The following STRBP variants were observed in gnomAD, a reference collection of about 807,000 sequenced individuals.
The protein encoded by STRBP is spermatid perinuclear RNA binding protein.
STRBP carries 13 observed loss-of-function variants against 80.1 expected under a neutral mutation model. The ratio of observed to expected loss-of-function variants is 0.16; its 90% CI spans 0.11 to 0.26. STRBP has a LOEUF of 0.26. Among genes scored for constraint, STRBP ranks in the 10% least tolerant of loss-of-function variants. STRBP has a pLI of 1.00. For synonymous variants in STRBP, 284 were observed against 291.2 expected (o/e 0.98, Z 0.25); for missense variants, 485 against 815.2 (o/e 0.59, Z 4.93).
chr9:123,110,419 C>T lies in STRBP; in HGVS notation c.*85-666G>A, dbSNP rs541151411. The T allele has an allele frequency of 1.2e-5, 2 of 169,214 alleles. No individual in the cohort carries two copies. The highest frequency in any genetic ancestry group is 2.9e-5 in the Non-Finnish European group (2 of 68,180). The allele number at this position is 169,214 out of a possible 1,614,324, so 10.5% of individuals were successfully genotyped here. A position where few individuals can be genotyped will look rare whatever the true frequency, so the allele number is the denominator to read the frequency against. On this transcript the variant is annotated intron_variant and NMD_transcript_variant, in intron 3 of 3. Coordinates refer to the STRBP transcript ENST00000471564. This position sits in a 1 kb window ranked among gnomAD's most constrained non-coding sequence, Gnocchi z 4.1. ...CGATTGCCCTAATTTATGGTTACCTCAGGAAACCTTCTTTTGAAGAAGTGG... is the reference window on the plus strand; with the variant it reads ...CGATTGCCCTAATTTATGGTTACCTTAGGAAACCTTCTTTTGAAGAAGTGG...
intron 1 of STRBP, among the ~76,000 whole-genome samples, chr9:123,242,080 G>C (rs1007840221): frequency 2.6e-5 from 4 of 152,078 alleles, no homozygotes; most frequent in African/African-American, 9.7e-5. Context: ...TCTTCAAAAG[G>C]CTGGCTCTTT....
intron 2 of STRBP, among the ~76,000 whole-genome samples, chr9:123,214,901 G>A (rs892866619): frequency 1.3e-5 from 2 of 152,018 alleles, no homozygotes; most frequent in Non-Finnish European, 2.9e-5. Flanking sequence ...TTTAGTCTCT[G>A]GGCATATAGA....
In STRBP at chr9:123,136,021, G is replaced by A. The variant is rs779460493; in HGVS notation, c.1773+20C>T. On this transcript the variant is annotated intron_variant, in intron 16 of 18. Coordinates refer to ENST00000348403, the MANE Select transcript of STRBP (RefSeq NM_018387.5). This position sits in a 1 kb window ranked among gnomAD's most constrained non-coding sequence, Gnocchi z 4.2. ...TAACATTTTTCACAGGTTCTGCAAA[G>A]GTTTAATGTTTACTCATACCTGAGG... is the stretch of plus-strand genomic sequence containing the variant. 9 of 1,613,508 alleles carry A rather than the reference G, an allele frequency of 5.6e-6. No individual in the cohort carries two copies. The highest frequency in any genetic ancestry group is 1.1e-5 in the South Asian group (1 of 91,028).
chr9:123,214,572 T>G (rs1001230614), intron 2 of STRBP, among the ~76,000 whole-genome samples: 1 of 152,192 alleles, frequency 6.6e-6, no homozygotes, highest in East Asian at 1.9e-4. Context: ...GGACTCCTCA[T>G]GACTCATTAT....
chr9:123,114,265 G>C (rs1297804045), intron 3 of STRBP: 4 of 167,162 alleles, frequency 2.4e-5, no homozygotes, highest in African/African-American at 9.6e-5. Flanking sequence ...CACTGGGACA[G>C]ACACAAAACT....
intron 2 of STRBP, among the ~76,000 whole-genome samples, chr9:123,220,901 C>A (rs1220112319): frequency 3.3e-5 from 5 of 152,078 alleles, no homozygotes; most frequent in Admixed American, 1.3e-4. Context: ...AATTTGAAAT[C>A]AGGTCTATCT....
intron 4 of STRBP, among the ~76,000 whole-genome samples, chr9:123,178,374 T>TA (rs1182335349): frequency 6.6e-6 from 1 of 152,210 alleles, no homozygotes. Flanking sequence ...TAGCCTGGCA[T>TA]AAAAAGATTA....
chr9:123,132,564 C>G (rs1055777160), intron 17 of STRBP, among the ~76,000 whole-genome samples: 3 of 152,152 alleles, frequency 2.0e-5, no homozygotes, highest in Non-Finnish European at 4.4e-5. Context: ...TCACCCTTCT[C>G]AATCTATGGA....
intron 17 of STRBP, among the ~76,000 whole-genome samples, chr9:123,128,512 C>T (rs1489650085): frequency 6.6e-6 from 1 of 152,246 alleles, no homozygotes; most frequent in Non-Finnish European, 1.5e-5. Flanking sequence ...TTTCTCACTG[C>T]ACTCACTGAC....
At chr9:123,257,744 G>C (rs1475137230) in intron 1 of STRBP, among the ~76,000 whole-genome samples, 2 of 152,082 alleles carry the variant, frequency 1.3e-5, no homozygotes, top group African/African-American at 4.8e-5. Flanking sequence ...TTGAGCCTAG[G>C]AGGTTGAGGC....
intron 12 of STRBP, 75 bp downstream of exon 12, chr9:123,147,703 T>G: frequency 1.8e-4 from 144 of 794,062 alleles, no homozygotes; most frequent in Non-Finnish European, 2.4e-4. Flanking sequence ...AAAAAAACCC[T>G]TCACTTTTAA....
At chr9:123,195,652 T>C (rs762882321) in intron 2 of STRBP, among the ~76,000 whole-genome samples, 4 of 151,998 alleles carry the variant, frequency 2.6e-5, no homozygotes, top group African/African-American at 9.7e-5. Flanking sequence ...AAGTGAAAGA[T>C]CTCTACAATG....
chr9:123,203,160 C>A (rs2039387801), intron 2 of STRBP, among the ~76,000 whole-genome samples: 1 of 151,968 alleles, frequency 6.6e-6, no homozygotes, highest in African/African-American at 2.4e-5. Flanking sequence ...TCAAGACAGC[C>A]TGGGCAATAT....
At chr9:123,132,818 G>T in intron 17 of STRBP, 27 bp downstream of exon 17, 1 of 1,612,068 alleles carries the variant, frequency 6.2e-7, no homozygotes, top group South Asian at 1.1e-5. Flanking sequence ...AGTAAAGGGG[G>T]CCAATCTCTT....
At chr9:123,189,844 TAATAAAAATA>T (rs1428343181) in intron 2 of STRBP, among the ~76,000 whole-genome samples, 3 of 152,074 alleles carry the variant, frequency 2.0e-5, no homozygotes, top group Non-Finnish European at 4.4e-5. Context: ...ACTTAAAGTA[TAATAAAAATA>T]AATAAAAATT....
At chr9:123,249,298 G>A (rs1278728777) in intron 1 of STRBP, among the ~76,000 whole-genome samples, 4 of 152,178 alleles carry the variant, frequency 2.6e-5, no homozygotes, top group African/African-American at 4.8e-5. Flanking sequence ...AGGATCACTT[G>A]AGCCCAGGAG....
intron 2 of STRBP, among the ~76,000 whole-genome samples, chr9:123,199,762 A>C (rs764328889): frequency 6.6e-6 from 1 of 152,220 alleles, no homozygotes; most frequent in Non-Finnish European, 1.5e-5. Context: ...TTTGTTTATC[A>C]AATCTAAGAG....
At chr9:123,134,556 G>A (rs2036276248) in intron 16 of STRBP, among the ~76,000 whole-genome samples, 1 of 152,170 alleles carries the variant, frequency 6.6e-6, no homozygotes, top group Non-Finnish European at 1.5e-5. Context: ...GAACACATGA[G>A]TTTTATAGCT....
At chr9:123,255,396 C>A (rs1019719449) in intron 1 of STRBP, among the ~76,000 whole-genome samples, 1 of 152,210 alleles carries the variant, frequency 6.6e-6, no homozygotes, top group Non-Finnish European at 1.5e-5. Context: ...TCAAGGTGAT[C>A]AAGGTTACTA....
Sources: gnomAD v4.1 joint callset for allele counts (sites outside exome capture counted in the v4.1 genomes callset) on GRCh38, gnomAD v4.1.1 for gene constraint, Gnocchi (gnomAD v3.1) non-coding constraint, MANE v1.5 for transcripts, NCBI Gene and HGNC (gene_info 2026-07-23, HGNC 2026-07-21) for gene names.